Variants in PARP8 observed in about 807,000 individuals in gnomAD.
PARP8 encodes poly(ADP-ribose) polymerase family member 8, also known as protein mono-ADP-ribosyltransferase PARP8.
In PARP8, 51 loss-of-function variants were observed where a neutral mutation model predicts 124.1. That is an observed-to-expected ratio of 0.41 (90% CI 0.33 to 0.52). PARP8 has a LOEUF of 0.52. PARP8 is among the 20% of genes least tolerant of loss of function. The pLI is 0.21. For missense variants in PARP8, 860 were observed against 1,018.9 expected, an observed-to-expected ratio of 0.84 and a Z score of 2.12; for synonymous variants, 391 against 361.5, an observed-to-expected ratio of 1.08 and a Z score of -0.93.
At chr5:50,677,704 C>T (rs1348588734) in intron 2 of PARP8, among the ~76,000 whole-genome samples, 1 of 152,090 alleles carries the variant, frequency 6.6e-6, no homozygotes, top group Non-Finnish European at 1.5e-5. Flanking sequence ...CCAGTATCCT[C>T]AATATTTGAT....
At chr5:50,697,053 G>A (rs927090569) in intron 2 of PARP8, among the ~76,000 whole-genome samples, 1 of 152,112 alleles carries the variant, frequency 6.6e-6, no homozygotes, top group Admixed American at 6.5e-5. Flanking sequence ...TGGATCATGA[G>A]GTCAGGAGAT....
chr5:50,822,527 A>C, intron 17 of PARP8, 127 bp downstream of exon 17: 1 of 685,684 alleles, frequency 1.5e-6, no homozygotes, highest in South Asian at 1.9e-5. Context: ...AAGATGTTTT[A>C]ATTAAATCAC....
chr5:50,828,407 C>A (rs1389589606), intron 21 of PARP8, 23 bp downstream of exon 21: 11 of 1,586,462 alleles, frequency 6.9e-6, no homozygotes, highest in Non-Finnish European at 1.7e-6. Context: ...AATGCTTTCA[C>A]AAGACTTCAT....
chr5:50,719,271 T>A (rs1755636869), intron 2 of PARP8, among the ~76,000 whole-genome samples: 1 of 152,090 alleles, frequency 6.6e-6, no homozygotes, highest in African/African-American at 2.4e-5. Flanking sequence ...TCCCATTCTG[T>A]TGGTTGTCTC....
chr5:50,708,570 C>T (rs1291132954), intron 2 of PARP8, among the ~76,000 whole-genome samples: 9 of 151,944 alleles, frequency 5.9e-5, no homozygotes, highest in Admixed American at 3.9e-4. Flanking sequence ...TGCAGTGTTG[C>T]TGGTTAATCT....
intron 14 of PARP8, among the ~76,000 whole-genome samples, chr5:50,805,734 C>T (rs1414246625): frequency 1.3e-5 from 2 of 152,048 alleles, no homozygotes; most frequent in Non-Finnish European, 2.9e-5. Context: ...TTTAAGAACA[C>T]AATCATCTGT....
intron 15 of PARP8, among the ~76,000 whole-genome samples, chr5:50,820,509 TAGGATAAC>T (rs1280612205): frequency 1.3e-5 from 2 of 152,152 alleles, no homozygotes; most frequent in African/African-American, 2.4e-5. Context: ...AGAAGAATCA[TAGGATAAC>T]AGGATAACAC....
rs114027272 is a variant in PARP8 at position 50,786,695 on chromosome 5, G to C, written c.671-1828G>C. On this transcript the variant is annotated intron_variant, in intron 9 of 25. Coordinates refer to ENST00000281631, the MANE Select transcript of PARP8 (RefSeq NM_024615.4). ...AAAAACTTCTTTGAATTTGTGTCTA[G>C]ATAGCAGCACTCTGGAATCTTCCAT... 5.6e-3 allele frequency among the ~76,000 whole-genome samples: 844 copies of C among 152,068 alleles called. 7 individuals are homozygous for C. The highest frequency in any genetic ancestry group is 0.019 in the African/African-American group (790 of 41,484).
intron 7 of PARP8, among the ~76,000 whole-genome samples, chr5:50,773,119 T>C (rs1561358769): frequency 6.6e-6 from 1 of 152,342 alleles, no homozygotes; most frequent in South Asian, 2.1e-4. Flanking sequence ...CTTGCAGTTA[T>C]ATTTTCACCC....
At chr5:50,825,269 T>A (rs1051183252) in intron 18 of PARP8, among the ~76,000 whole-genome samples, 2 of 152,216 alleles carry the variant, frequency 1.3e-5, no homozygotes, top group African/African-American at 4.8e-5. Context: ...ATTAACTAGC[T>A]TATGTGGCAA....
intron 9 of PARP8, among the ~76,000 whole-genome samples, chr5:50,782,739 C>T (rs548522252): frequency 6.6e-6 from 1 of 152,212 alleles, no homozygotes; most frequent in East Asian, 1.9e-4. Flanking sequence ...CCTGGGACCA[C>T]TCCTAATATT....
At chr5:50,790,440 G>A (rs1580351097) in intron 10 of PARP8, among the ~76,000 whole-genome samples, 3 of 151,952 alleles carry the variant, frequency 2.0e-5, no homozygotes, top group African/African-American at 7.3e-5. Context: ...ATGCAAGTTG[G>A]GTACCATTTC....
chr5:50,817,044 T>C (rs1745186108), intron 15 of PARP8, among the ~76,000 whole-genome samples: 1 of 152,182 alleles, frequency 6.6e-6, no homozygotes, highest in Non-Finnish European at 1.5e-5. Context: ...TCAAGTAGTA[T>C]ACTTAAAATT....
In PARP8 at chr5:50,777,842, A is replaced by G. The variant is rs993898210; in HGVS notation, c.519-227A>G. ...AACCAAGCAACTCTTGATTTTATATATGCATGTGCGTGTACAAGACAATAG... is the reference window on the plus strand; with the variant it reads ...AACCAAGCAACTCTTGATTTTATATGTGCATGTGCGTGTACAAGACAATAG... On this transcript the variant is annotated intron_variant, in intron 7 of 25. Transcript: ENST00000281631. Among the ~76,000 whole-genome samples, 9 of 152,334 alleles carry G rather than the reference A, an allele frequency of 5.9e-5. No individual in the cohort carries two copies. The South Asian group carries it at 1.7e-3, about 28-fold the overall frequency.
At chr5:50,818,985 A>G (rs1369561898) in intron 15 of PARP8, among the ~76,000 whole-genome samples, 1 of 152,188 alleles carries the variant, frequency 6.6e-6, no homozygotes, top group African/African-American at 2.4e-5. Context: ...TGAGGAAGAC[A>G]TACCTTTCTT....
Position 50,795,243 on chromosome 5 carries a change from A to T in PARP8, c.1254A>T (p.Glu418Asp), listed in dbSNP as rs760285167. The T allele has an allele frequency of 1.4e-5, 23 of 1,614,180 alleles. No individual in the cohort carries two copies. The highest frequency in any genetic ancestry group is 1.9e-5 in the Non-Finnish European group (23 of 1,180,018). Reference sequence around the variant, plus strand: ...CTTACTCTAGTAATCTCAGAATGGAAGAATTATATGGACTGAAAAATCACA... The same window carrying T: ...CTTACTCTAGTAATCTCAGAATGGATGAATTATATGGACTGAAAAATCACA... ...SRSYSSNLRM[E>D]ELYGLKNHKL... is the part of the protein sequence containing the mutation. The change falls in exon 12 of 26, where the codon GAA becomes GAT. Residue 418 changes from glutamate to aspartate, a missense_variant. This residue lies in a region of PARP8 where 517 missense variants were observed against 544.2 expected (regional missense o/e 0.95). Transcript: ENST00000281631.
At chr5:50,695,401 A>C (rs1267467342) in intron 2 of PARP8, among the ~76,000 whole-genome samples, 1 of 152,224 alleles carries the variant, frequency 6.6e-6, no homozygotes, top group Non-Finnish European at 1.5e-5. Flanking sequence ...CAGGCCTCCT[A>C]AATTAATGAA....
At chr5:50,738,730 AAAG>A (rs1471600111) in intron 2 of PARP8, among the ~76,000 whole-genome samples, 2 of 151,744 alleles carry the variant, frequency 1.3e-5, no homozygotes, top group African/African-American at 4.8e-5. Context: ...AAAAAAAAAA[AAAG>A]AAAATAGCAA....
chr5:50,668,876 CCA>C (rs1174277003), intron 2 of PARP8: 1 of 152,190 alleles, frequency 6.6e-6, no homozygotes, highest in Non-Finnish European at 1.5e-5. Flanking sequence ...AGAGCAGTAG[CCA>C]CATATGAGAA....
Sources: allele counts gnomAD v4.1 joint callset (sites outside exome capture counted in the v4.1 genomes callset), GRCh38; gene constraint gnomAD v4.1.1; regional missense constraint gnomAD v4.1.1; transcripts MANE v1.5; gene names NCBI Gene and HGNC (gene_info 2026-07-23, HGNC 2026-07-21).